Variants in LHX6 observed in about 807,000 individuals in gnomAD.
The protein encoded by LHX6 is LIM/homeobox protein Lhx6.
In LHX6, 15 loss-of-function variants were observed where a neutral mutation model predicts 47.1. The ratio of observed to expected loss-of-function variants is 0.32; its 90% CI spans 0.21 to 0.49. The LOEUF (loss-of-function observed/expected upper bound fraction) is 0.49, where lower values mean the gene tolerates loss of function less well. LHX6 is among the 20% of genes least tolerant of loss of function. The pLI is 0.99. For synonymous variants in LHX6, 242 were observed against 233.5 expected (o/e 1.04, Z -0.33); for missense variants, 404 against 539.6 (o/e 0.75, Z 2.49).
At chr9:122,227,095 G>A (rs1013695882) in intron 2 of LHX6, 65 bp from the exon 3 acceptor site, 3 of 1,413,070 alleles carry the variant, frequency 2.1e-6, no homozygotes, top group Non-Finnish European at 1.9e-6. Context: ...CTGCCTTGGA[G>A]ACAAATCTGG....
At chr9:122,210,574 T>C (rs145023675) in intron 8 of LHX6, among the ~76,000 whole-genome samples, 33 of 152,324 alleles carry the variant, frequency 2.2e-4, no homozygotes, top group African/African-American at 7.5e-4. Context: ...AACTGCATTT[T>C]TGTTTGAGAC....
chr9:122,227,499 G>GGCA lies in LHX6; in HGVS notation c.85-20_85-19insTGC. The GGCA allele has an allele frequency of 1.2e-5, 8 of 656,212 alleles. No individual in the cohort carries two copies. The highest frequency in any genetic ancestry group is 1.5e-5 in the South Asian group (1 of 67,168). The allele number at this position is 656,212 out of a possible 1,614,324, so 40.6% of individuals were successfully genotyped here. A position where few individuals can be genotyped will look rare whatever the true frequency, so the allele number is the denominator to read the frequency against. ...CCATCACCTGGGGGAGGGGGGGAGGGAACGCAGGCGGCGGCGGCTGCTGAA... is the reference window on the plus strand; with the variant it reads ...CCATCACCTGGGGGAGGGGGGGAGGGGCAAACGCAGGCGGCGGCGGCTGCTGAA... On this transcript the variant is annotated intron_variant, in intron 1 of 9. Transcript: ENST00000394319.
At chr9:122,206,324 A>G (rs979160866) in intron 9 of LHX6, among the ~76,000 whole-genome samples, 1 of 152,180 alleles carries the variant, frequency 6.6e-6, no homozygotes, top group African/African-American at 2.4e-5. Context: ...CCTCACAGCT[A>G]GGCAGGCTCA....
intron 2 of LHX6, 109 bp downstream of exon 2, chr9:122,227,300 G>A: frequency 8.7e-7 from 1 of 1,155,062 alleles, no homozygotes; most frequent in Non-Finnish European, 1.2e-6. Flanking sequence ...GCGCCCGCCG[G>A]GAGTCCCCCA....
rs116575165 is a variant in LHX6, at chr9:122,210,706, C to A, written c.1055-989G>T. Among the ~76,000 whole-genome samples, 1,301 of 152,182 alleles carry A rather than the reference C, an allele frequency of 8.5e-3. 23 individuals are homozygous for A. The highest frequency in any genetic ancestry group is 0.03 in the African/African-American group (1,260 of 41,522). On this transcript the variant is annotated intron_variant, in intron 8 of 9. Transcript: ENST00000394319. ...CCTCCTGAGTAGCTGGGACTACTGG[C>A]ATGTACCATCATGCCCAGCTAATTT...
At chr9:122,216,437 G>C (rs1291619738) in intron 5 of LHX6, among the ~76,000 whole-genome samples, 1 of 152,200 alleles carries the variant, frequency 6.6e-6, no homozygotes, top group Non-Finnish European at 1.5e-5. Flanking sequence ...TCCAGTATCT[G>C]TCTTGCACAG....
rs936255060 is a variant in LHX6 at position 122,214,764 on chromosome 9, C to T, written c.683-381G>A. Among the ~76,000 whole-genome samples the T allele has an allele frequency of 6.6e-6, 1 of 152,052 alleles. No homozygotes were observed. Among genetic ancestry groups the T allele is most frequent in the African/African-American group, 2.4e-5 (1 of 41,376 alleles). On this transcript the variant is annotated intron_variant, in intron 5 of 9. Transcript: ENST00000394319. This position sits in a 1 kb window ranked among gnomAD's most constrained non-coding sequence, Gnocchi z 4.6. ...CCCTGCTGGCGAAACTGGGGGACAC[C>T]AAAGGCTAGAGGAGATAGGAAGCAA...
rs1830992441 is a variant in LHX6, at chr9:122,224,145, A to C, written c.461+2231T>G. On this transcript the variant is annotated intron_variant, in intron 4 of 9. Coordinates refer to ENST00000394319, the MANE Select transcript of LHX6 (RefSeq NM_014368.5). ...CAGGTTCAAGTGATTCTCTTGCCTC[A>C]GCCTCCTGAGTAGCTGGGACTACAG... Among the ~76,000 whole-genome samples, 3 of 152,156 alleles carry C rather than the reference A, an allele frequency of 2.0e-5. No individual in the cohort carries two copies. In the South Asian group the frequency reaches 6.2e-4, roughly 31 times the overall value.
In LHX6 at chr9:122,228,821, G is replaced by C; in HGVS notation, c.-81C>G. The C allele has an allele frequency of 2.1e-6, 2 of 957,574 alleles. No individual in the cohort carries two copies. The highest frequency in any genetic ancestry group is 2.7e-6 in the Non-Finnish European group (2 of 745,834). 59.3% of individuals were successfully genotyped at this position (957,574 alleles called of 1,614,324 possible). A position where few individuals can be genotyped will look rare whatever the true frequency, so the allele number is the denominator to read the frequency against. ...GGACCACAGCCGCAGTGGGAGCAGAGGCTGCTGCAGGAGCAGGAGGAGAGC... is the reference window on the plus strand; with the variant it reads ...GGACCACAGCCGCAGTGGGAGCAGACGCTGCTGCAGGAGCAGGAGGAGAGC... On this transcript the variant is annotated 5_prime_UTR_variant, in exon 1 of 10. Transcript: ENST00000394319.
Position 122,204,654 on chromosome 9 carries a change from G to T in LHX6, c.*106C>A. Reference sequence around the variant, plus strand: ...GGTGGGCAGGATGGCGGACGGGGGTGGATGCGGAGGTGGGTGGACTCCTGG... The same window carrying T: ...GGTGGGCAGGATGGCGGACGGGGGTTGATGCGGAGGTGGGTGGACTCCTGG... On this transcript the variant is annotated 3_prime_UTR_variant, in exon 10 of 10. Coordinates refer to ENST00000394319, the MANE Select transcript of LHX6 (RefSeq NM_014368.5). 7.3e-7 allele frequency: 1 copy of T among 1,367,338 alleles called. No homozygotes were observed. Among genetic ancestry groups the T allele is most frequent in the Non-Finnish European group, 1.0e-6 (1 of 991,780 alleles). The allele number at this position is 1,367,338 out of a possible 1,614,324, so 84.7% of individuals were successfully genotyped here.
chr9:122,223,867 A>G (rs1445288717), intron 4 of LHX6, among the ~76,000 whole-genome samples: 1 of 152,162 alleles, frequency 6.6e-6, no homozygotes, highest in Non-Finnish European at 1.5e-5. Flanking sequence ...AAGACTGCCA[A>G]ATCTATTGTT....
At chr9:122,221,264 G>A in intron 4 of LHX6, 2 of 985,534 alleles carry the variant, frequency 2.0e-6, no homozygotes, top group Non-Finnish European at 2.4e-6. Flanking sequence ...AGGTTAAAAC[G>A]ACCGCTTCTC....
At chr9:122,227,619 GC>G (rs1382849940) in intron 1 of LHX6, 139 bp from the exon 2 acceptor site, 1 of 1,359,218 alleles carries the variant, frequency 7.4e-7, no homozygotes, top group East Asian at 3.1e-5. Flanking sequence ...GGCATTTAAA[GC>G]CCTTCCCCAC....
rs549957612 is a variant in LHX6, at chr9:122,220,794, C to G, written c.462-3506G>C. Among the ~76,000 whole-genome samples, 104 of 152,366 alleles carry G rather than the reference C, an allele frequency of 6.8e-4. 1 individual carries two copies. In the South Asian group the frequency reaches 0.021, roughly 31 times the overall value. On this transcript the variant is annotated intron_variant, in intron 4 of 9. Transcript: ENST00000394319. ...CGCGCACCGCAGTGCCCTCTACCCC[C>G]TGAAAGGAGAGCAGAGATATCTGGG...
At position 122,217,354 on chromosome 9, in the gene LHX6, A is replaced by C. The variant is rs1830634147; in HGVS notation, c.462-66T>G. The C allele has an allele frequency of 7.4e-7, 1 of 1,348,104 alleles. No homozygotes were observed. Among genetic ancestry groups the C allele is most frequent in the East Asian group, 2.5e-5 (1 of 40,426 alleles). 83.5% of individuals were successfully genotyped at this position (1,348,104 alleles called of 1,614,324 possible). On this transcript the variant is annotated intron_variant, in intron 4 of 9. Coordinates refer to ENST00000394319, the MANE Select transcript of LHX6 (RefSeq NM_014368.5). The surrounding 1 kb of genome is among the most constrained non-coding windows in gnomAD (Gnocchi z 4.9). ...ACAGGCCAACCTTCCTCCTTCCACC[A>C]CCCAATGGCCCGCCAGCCCCCAGGC... is the stretch of plus-strand genomic sequence containing the variant.
In LHX6 at chr9:122,221,226, G is replaced by GA. The variant is rs61326516; in HGVS notation, c.462-3939dup. 322 of 984,788 alleles carry GA rather than the reference G, an allele frequency of 3.3e-4. 1 individual carries two copies. The Middle Eastern group carries it at 7.3e-3, about 22-fold the overall frequency. 61.0% of individuals were successfully genotyped at this position (984,788 alleles called of 1,614,324 possible). A position where few individuals can be genotyped will look rare whatever the true frequency, so the allele number is the denominator to read the frequency against. On this transcript the variant is annotated intron_variant, in intron 4 of 9. Transcript: ENST00000394319. ...CCCGTAGGGGAAGAAGCCAGAGGGG[G>GA]AAAAAAAACCCAGAACCAGCAATTA...
At chr9:122,227,066 C>T (rs376554449) in intron 2 of LHX6, 36 bp from the exon 3 acceptor site, 12 of 1,445,658 alleles carry the variant, frequency 8.3e-6, no homozygotes, top group Non-Finnish European at 1.1e-5. Flanking sequence ...AGCGCTGATC[C>T]GGGCACCCAG....
chr9:122,204,906 G>C, intron 9 of LHX6, 126 bp from the exon 10 acceptor site: 1 of 567,560 alleles, frequency 1.8e-6, no homozygotes, highest in Non-Finnish European at 2.9e-6. Context: ...TTAAATCCTG[G>C]CTCTGTCAAC....
intron 4 of LHX6, among the ~76,000 whole-genome samples, chr9:122,223,401 C>T (rs1458325857): frequency 6.6e-6 from 1 of 152,212 alleles, no homozygotes; most frequent in African/African-American, 2.4e-5. Context: ...GGCTCTGCTC[C>T]TCAAGCTGCG....
Sources: gnomAD v4.1 joint callset for allele counts (sites outside exome capture counted in the v4.1 genomes callset) on GRCh38, gnomAD v4.1.1 for gene constraint, Gnocchi (gnomAD v3.1) non-coding constraint, MANE v1.5 for transcripts, NCBI Gene and HGNC (gene_info 2026-07-23, HGNC 2026-07-21) for gene names.